Variants in ASS1 observed in about 807,000 individuals in gnomAD.
ASS1 encodes the protein argininosuccinate synthase 1, also known as argininosuccinate synthase.
ASS1 carries 58 observed loss-of-function variants against 60.5 expected under a neutral mutation model. The ratio of observed to expected loss-of-function variants is 0.96; its 90% CI spans 0.78 to 1.19. The LOEUF (loss-of-function observed/expected upper bound fraction) is 1.19. Ranked by LOEUF, ASS1 falls within the 50% of genes most tolerant of loss-of-function variation. The pLI, the probability that ASS1 is intolerant of heterozygous loss-of-function variation, is 0.00. For synonymous variants in ASS1, 200 were observed against 206.9 expected (o/e 0.97, Z 0.29); for missense variants, 454 against 547.3 (o/e 0.83, Z 1.70).
chr9:130,471,784 T>TAG (rs1406494379), intron 8 of ASS1, among the ~76,000 whole-genome samples: 1 of 151,876 alleles, frequency 6.6e-6, no homozygotes, highest in African/African-American at 2.4e-5. Context: ...CAGGGCAGCA[T>TAG]AGAGAGAGAG....
intron 8 of ASS1, among the ~76,000 whole-genome samples, chr9:130,475,724 G>A (rs1845996120): frequency 6.7e-6 from 1 of 149,892 alleles, no homozygotes; most frequent in Admixed American, 6.7e-5. Flanking sequence ...GAAGCAATAC[G>A]TGAATGTGTG....
intron 11 of ASS1, among the ~76,000 whole-genome samples, chr9:130,487,271 A>G (rs541634904): frequency 4.6e-4 from 70 of 152,190 alleles, no homozygotes; most frequent in Non-Finnish European, 8.7e-4. Flanking sequence ...CCGTGATTCT[A>G]AGACTTAAAG....
Position 130,470,970 on chromosome 9 carries a change from C to T in ASS1, c.566+66C>T, listed in dbSNP as rs1845854143. 6.4e-7 allele frequency: 1 copy of T among 1,551,794 alleles called. No homozygotes were observed. The highest frequency in any genetic ancestry group is 8.9e-7 in the Non-Finnish European group (1 of 1,125,106). On this transcript the variant is annotated intron_variant, in intron 7 of 14. Coordinates refer to ENST00000352480, the MANE Select transcript of ASS1 (RefSeq NM_054012.4). This position sits in a 1 kb window ranked among gnomAD's most constrained non-coding sequence, Gnocchi z 4.3. ...CATTCCAAAGGACGGCCACGCGCTGCCCCAGGACGTCCTGGTGACCCCCAC... is the reference window on the plus strand; with the variant it reads ...CATTCCAAAGGACGGCCACGCGCTGTCCCAGGACGTCCTGGTGACCCCCAC...
In ASS1 at chr9:130,474,136, T is replaced by G. The variant is rs1325620723; in HGVS notation, c.597+2621T>G. Among the ~76,000 whole-genome samples the G allele has an allele frequency of 9.6e-5, 13 of 136,072 alleles. 1 individual carries two copies. Among genetic ancestry groups the G allele is most frequent in the Admixed American group, 8.9e-4 (11 of 12,370 alleles). The allele number at this position is 136,072 out of a possible 152,430, so 89.3% of individuals were successfully genotyped here. On this transcript the variant is annotated intron_variant, in intron 8 of 14. Coordinates refer to ENST00000352480, the MANE Select transcript of ASS1 (RefSeq NM_054012.4). Reference sequence around the variant, plus strand: ...GGGATAAATAGATGGCATTGATACTTGGCAACAAACTATTTGTCATTAGAA... The same window carrying G: ...GGGATAAATAGATGGCATTGATACTGGGCAACAAACTATTTGTCATTAGAA...
At chr9:130,485,767 C>CT (rs1449902700) in intron 11 of ASS1, among the ~76,000 whole-genome samples, 3 of 152,190 alleles carry the variant, frequency 2.0e-5, no homozygotes, top group Non-Finnish European at 4.4e-5. Context: ...ACCAGCAGGA[C>CT]TTTGTCAGTG....
At chr9:130,461,901 A>G (rs1258422808) in intron 4 of ASS1, among the ~76,000 whole-genome samples, 1 of 152,140 alleles carries the variant, frequency 6.6e-6, no homozygotes, top group Non-Finnish European at 1.5e-5. Context: ...GGAAGGTGAC[A>G]GTGAAATGTT....
In ASS1 at chr9:130,476,919, G is replaced by A; in HGVS notation, c.646G>A (p.Ala216Thr). ...CACGAAGACCCAGGACCCAGCCAAA[G>A]CCCCCAACACCCCTGACATTCTCGA... The part of the protein sequence containing the change: ...LYTKTQDPAK[A>T]PNTPDILEIE... The change falls in exon 9 of 15, where the codon GCC becomes ACC. Residue 216 changes from alanine to threonine, a missense_variant. Physicochemically the swap from Ala to Thr is moderately conservative, Grantham distance 58. Coordinates refer to ENST00000352480, the MANE Select transcript of ASS1 (RefSeq NM_054012.4). The surrounding 1 kb of genome is among the most constrained non-coding windows in gnomAD (Gnocchi z 4.9). 3 of 1,614,074 alleles carry A rather than the reference G, an allele frequency of 1.9e-6. No homozygotes were observed. The highest frequency in any genetic ancestry group is 2.7e-5 in the African/African-American group (2 of 75,022).
At chr9:130,454,790 C>T (rs1230275123) in intron 3 of ASS1, among the ~76,000 whole-genome samples, 1 of 141,636 alleles carries the variant, frequency 7.1e-6, no homozygotes, top group African/African-American at 3.1e-5. Context: ...CACCCATCAT[C>T]CATCCATCCA....
In ASS1 at chr9:130,470,089, G is replaced by A. The variant is rs948794784; in HGVS notation, c.496-745G>A. Among the ~76,000 whole-genome samples, 5 of 152,248 alleles carry A rather than the reference G, an allele frequency of 3.3e-5. No individual in the cohort carries two copies. Among genetic ancestry groups the A allele is most frequent in the Non-Finnish European group, 4.4e-5 (3 of 68,012 alleles). ...AGTCGGGCGTCATCAAGGGTGGTGC[G>A]GGTCCCCAGGGCGACAAGCCTCATC... On this transcript the variant is annotated intron_variant, in intron 6 of 14. Coordinates refer to ENST00000352480, the MANE Select transcript of ASS1 (RefSeq NM_054012.4). The surrounding 1 kb of genome is among the most constrained non-coding windows in gnomAD (Gnocchi z 4.3).
chr9:130,498,272 C>T (rs767328499), intron 13 of ASS1, among the ~76,000 whole-genome samples: 21 of 152,276 alleles, frequency 1.4e-4, no homozygotes, highest in Non-Finnish European at 2.6e-4. Flanking sequence ...ACCCCTACCT[C>T]GAGAACCTTG....
chr9:130,458,489 T>C lies in ASS1; in HGVS notation c.263T>C (p.Leu88Pro). Residue 88 changes from leucine (L) to proline (P), a missense_variant, in exon 4 of 15, where the codon CTC becomes CCC. Physicochemically the swap from Leu to Pro is moderately conservative, Grantham distance 98. Coordinates refer to ENST00000352480, the MANE Select transcript of ASS1 (RefSeq NM_054012.4). ...AGCGCACTGTATGAGGACCGCTACC[T>C]CCTGGGCACCTCTCTTGCCAGGCCC... ...QSSALYEDRY[L>P]LGTSLARPCI... 1 of 1,612,660 alleles carries C rather than the reference T, an allele frequency of 6.2e-7. No individual in the cohort carries two copies. Among genetic ancestry groups the C allele is most frequent in the Non-Finnish European group, 8.5e-7 (1 of 1,179,862 alleles).
intron 12 of ASS1, among the ~76,000 whole-genome samples, chr9:130,492,326 T>G (rs927421936): frequency 1.3e-5 from 2 of 152,120 alleles, no homozygotes; most frequent in Non-Finnish European, 2.9e-5. Flanking sequence ...AGCTCCTGGG[T>G]GGAAAGCCCA....
chr9:130,495,994 G>T (rs147113567), intron 13 of ASS1, among the ~76,000 whole-genome samples: 1 of 152,262 alleles, frequency 6.6e-6, no homozygotes, highest in Admixed American at 6.5e-5. Context: ...AAACTAACTG[G>T]AAGGCCGCCG....
intron 11 of ASS1, among the ~76,000 whole-genome samples, chr9:130,485,971 TG>T (rs1365488529): frequency 6.6e-6 from 1 of 152,170 alleles, no homozygotes; most frequent in Admixed American, 6.6e-5. Flanking sequence ...GTCATGTTTG[TG>T]TGCGGTCATC....
At chr9:130,492,374 GT>G (rs1406697591) in intron 12 of ASS1, among the ~76,000 whole-genome samples, 1 of 152,142 alleles carries the variant, frequency 6.6e-6, no homozygotes, top group Non-Finnish European at 1.5e-5. Context: ...CAGAGCCCTT[GT>G]GGTCTCGGCA....
At chr9:130,461,201 C>T (rs1047299145) in intron 4 of ASS1, among the ~76,000 whole-genome samples, 1 of 137,018 alleles carries the variant, frequency 7.3e-6, no homozygotes, top group Admixed American at 7.2e-5. Flanking sequence ...TGGTGGAGTG[C>T]ATGGGTGGGT....
At chr9:130,482,810 G>A (rs1026511642) in intron 11 of ASS1, among the ~76,000 whole-genome samples, 4 of 152,196 alleles carry the variant, frequency 2.6e-5, no homozygotes, top group Admixed American at 6.5e-5. Context: ...AAGCTTCCTG[G>A]AGCCCAGCCT....
intron 1 of ASS1, chr9:130,445,249 AGTCCCCGGGT>A (rs1349504662): frequency 0.011 from 1,438 of 132,038 alleles, 4 homozygotes; most frequent in Non-Finnish European, 0.013. Flanking sequence ...CGGGGGCGCG[AGTCCCCGGGT>A]CCGAAGAGCG....
At position 130,477,398 on chromosome 9, in the gene ASS1, C is replaced by T. The variant is rs1459490589; in HGVS notation, c.688+437C>T. Among the ~76,000 whole-genome samples, 1 of 152,200 alleles carries T rather than the reference C, an allele frequency of 6.6e-6. No individual in the cohort carries two copies. The highest frequency in any genetic ancestry group is 2.4e-5 in the African/African-American group (1 of 41,442). Reference sequence around the variant, plus strand: ...TCAGTAAACGGTGAGTGTTGGCGAGCTGGCCTCATGGACCCCTGGGACCCC... The same window carrying T: ...TCAGTAAACGGTGAGTGTTGGCGAGTTGGCCTCATGGACCCCTGGGACCCC... On this transcript the variant is annotated intron_variant, in intron 9 of 14. Transcript: ENST00000352480. The surrounding 1 kb of genome is among the most constrained non-coding windows in gnomAD (Gnocchi z 4.2).
Sources: gnomAD v4.1 joint callset for allele counts (sites outside exome capture counted in the v4.1 genomes callset) on GRCh38, gnomAD v4.1.1 for gene constraint, Gnocchi (gnomAD v3.1) non-coding constraint, MANE v1.5 for transcripts, NCBI Gene and HGNC (gene_info 2026-07-23, HGNC 2026-07-21) for gene names.